The following GALC variants were observed in gnomAD, a reference collection of about 807,000 sequenced individuals.
The protein encoded by GALC is galactosylceramidase.
GALC carries 77 observed loss-of-function variants against 91.8 expected under a neutral mutation model. That is an observed-to-expected ratio of 0.84 (90% CI 0.70 to 1.01). The LOEUF (loss-of-function observed/expected upper bound fraction) is 1.01. GALC is among the 50% of genes least tolerant of loss of function. The pLI, the probability that GALC is intolerant of heterozygous loss-of-function variation, is 0.00. For missense variants in GALC, 882 were observed against 855.9 expected (o/e 1.03, Z -0.38); for synonymous variants, 357 against 306.7 (o/e 1.16, Z -1.71).
At chr14:87,977,207 A>T (rs1008345538) in intron 6 of GALC, among the ~76,000 whole-genome samples, 2 of 152,216 alleles carry the variant, frequency 1.3e-5, no homozygotes, top group African/African-American at 4.8e-5. Context: ...AGTATTTTCC[A>T]CGGTCTTCAA....
chr14:87,992,496 C>G, intron 1 of GALC: 1 of 1,531,980 alleles, frequency 6.5e-7, no homozygotes. Flanking sequence ...CTTAACGACT[C>G]CACCACCCAC....
chr14:87,949,879 T>A lies in GALC; in HGVS notation c.1304A>T (p.Glu435Val). 1 of 1,599,320 alleles carries A rather than the reference T, an allele frequency of 6.3e-7. No individual in the cohort carries two copies. The highest frequency in any genetic ancestry group is 8.6e-7 in the Non-Finnish European group (1 of 1,167,398). Residue 435 changes from glutamate (E) to valine (V), a missense_variant, in exon 12 of 17, where the codon GAA becomes GTA. By Grantham distance (121) the Glu-to-Val change is moderately radical. Transcript: ENST00000261304. ...VWYTKLGKTS[E>V]RFLFKQLDSL... ...ATCCAGCTGCTTAAAAAGAAATCTT[T>A]CGGATGTTTTTCCAAGTTTGGTATA...
intron 10 of GALC, among the ~76,000 whole-genome samples, chr14:87,951,974 C>T (rs1237074756): frequency 6.6e-6 from 1 of 151,598 alleles, no homozygotes; most frequent in African/African-American, 2.4e-5. Flanking sequence ...GTATACTGCT[C>T]GGGGATGGGT....
At chr14:87,954,953 T>C in intron 10 of GALC, 1 of 1,486,316 alleles carries the variant, frequency 6.7e-7, no homozygotes, top group South Asian at 1.1e-5. Context: ...TCAAAGCTGA[T>C]AGAGAAGATT....
At chr14:87,977,038 G>C (rs1206933009) in intron 6 of GALC, among the ~76,000 whole-genome samples, 2 of 145,382 alleles carry the variant, frequency 1.4e-5, no homozygotes, top group Admixed American at 6.8e-5. Context: ...AATATGGGGG[G>C]GGGGGGATGA....
At chr14:87,981,804 C>G (rs1009119349) in intron 6 of GALC, among the ~76,000 whole-genome samples, 1 of 151,772 alleles carries the variant, frequency 6.6e-6, no homozygotes, top group Non-Finnish European at 1.5e-5. Context: ...TAACACACTC[C>G]AATAGAAAAC....
rs1258268626 is a variant in GALC, at chr14:87,945,584, T to C, written c.1639A>G (p.Asn547Asp). The C allele has an allele frequency of 6.2e-7, 1 of 1,608,886 alleles. No homozygotes were observed. Among genetic ancestry groups the C allele is most frequent in the African/African-American group, 1.3e-5 (1 of 74,754 alleles). ...TAGTCTCCTATAATACTGATTGTGT[T>C]GGATGCATCGGCAGCCCATGTAATG... ...RPITWAADAS[N>D]TISIIGDYNW... is the part of the protein sequence containing the mutation. Residue 547 changes from asparagine to aspartate, a missense_variant, in exon 14 of 17, where the codon AAC becomes GAC. Coordinates refer to ENST00000261304, the MANE Select transcript of GALC (RefSeq NM_000153.4).
intron 16 of GALC, among the ~76,000 whole-genome samples, chr14:87,936,604 G>T (rs1320010628): frequency 6.6e-6 from 1 of 151,826 alleles, no homozygotes; most frequent in Non-Finnish European, 1.5e-5. Context: ...CAGGAATCTT[G>T]TCTGTTTCGT....
At position 87,993,005 on chromosome 14, in the gene GALC, C is replaced by T; in HGVS notation, c.160G>A (p.Glu54Lys). The part of the protein sequence containing the change: ...VLDDSDGLGR[E>K]FDGIGAVSGG... The stretch of plus-strand genomic sequence containing the variant: ...CTGACCGCGCCGATGCCGTCGAACT[C>T]CCGGCCCAGCCCGTCGGAGTCGTCG... Residue 54 changes from glutamate (E) to lysine (K), a missense_variant, in exon 1 of 17, where the codon GAG becomes AAG. Transcript: ENST00000261304. 6.5e-7 allele frequency: 1 copy of T among 1,538,538 alleles called. No individual in the cohort carries two copies. The highest frequency in any genetic ancestry group is 1.2e-5 in the South Asian group (1 of 83,682).
At position 87,986,514 on chromosome 14, in the gene GALC, C is replaced by A; in HGVS notation, c.417G>T (p.Lys139Asn). The change falls in exon 4 of 17, where the codon AAG becomes AAT. Residue 139 changes from lysine (K) to asparagine (N), a missense_variant. Physicochemically the swap from Lys to Asn is moderately conservative, Grantham distance 94. Coordinates refer to ENST00000261304, the MANE Select transcript of GALC (RefSeq NM_000153.4). The part of the protein sequence containing the change: ...YEWWLMKEAK[K>N]RNPNITLIGL... ...CAATGAGTGTAATATTGGGATTCCT[C>A]TTCTTAGCTTCTTTCATCAACCACC... The A allele has an allele frequency of 6.2e-7, 1 of 1,609,150 alleles. No homozygotes were observed.
chr14:87,989,169 G>C (rs115581814), intron 1 of GALC, among the ~76,000 whole-genome samples: 2 of 152,136 alleles, frequency 1.3e-5, no homozygotes, highest in African/African-American at 4.8e-5. Context: ...TCCTTTGGGA[G>C]GCAATATAAG....
At chr14:87,946,758 A>C (rs528123690) in intron 13 of GALC, among the ~76,000 whole-genome samples, 1 of 152,066 alleles carries the variant, frequency 6.6e-6, no homozygotes, top group African/African-American at 2.4e-5. Context: ...TAATGGGTTT[A>C]TCTAAGAGGC....
At chr14:87,983,407 G>A (rs1411735748) in intron 5 of GALC, among the ~76,000 whole-genome samples, 1 of 152,130 alleles carries the variant, frequency 6.6e-6, no homozygotes, top group Non-Finnish European at 1.5e-5. Context: ...TCTTTCTTCT[G>A]ACTTCCTCCA....
Position 87,949,741 on chromosome 14 carries a change from C to T in GALC, c.1338+104G>A. On this transcript the variant is annotated intron_variant, in intron 12 of 16. Coordinates refer to ENST00000261304, the MANE Select transcript of GALC (RefSeq NM_000153.4). ...TAAGAGCTAAACACATCTATAAACA[C>T]ACAAACTTATAAAAATAAAAATTCT... 3 of 676,604 alleles carry T rather than the reference C, an allele frequency of 4.4e-6. No individual in the cohort carries two copies. In the South Asian group the frequency reaches 5.0e-5, roughly 11 times the overall value. The allele number at this position is 676,604 out of a possible 1,614,324, so 41.9% of individuals were successfully genotyped here. A position where few individuals can be genotyped will look rare whatever the true frequency, so the allele number is the denominator to read the frequency against.
Position 87,941,535 on chromosome 14 carries a change from T to C in GALC, c.1694A>G (p.Asp565Gly), listed in dbSNP as rs1340293257. The change falls in exon 15 of 17, where the codon GAT (aspartate) becomes GGT (glycine). Residue 565 changes from aspartate to glycine, a missense_variant. Coordinates refer to ENST00000261304, the MANE Select transcript of GALC (RefSeq NM_000153.4). Reference protein sequence around the residue: ...YNWTNLTIKCDVYIETPDTGG... With the variant: ...YNWTNLTIKCGVYIETPDTGG... The stretch of plus-strand genomic sequence containing the variant: ...TGTGTCAGGGGTCTCTATGTATACA[T>C]CACACTTTATAGTCAGATTGGTCCT... 1 of 1,583,400 alleles carries C rather than the reference T, an allele frequency of 6.3e-7. No individual in the cohort carries two copies. Among genetic ancestry groups the C allele is most frequent in the Non-Finnish European group, 8.7e-7 (1 of 1,152,484 alleles).
intron 7 of GALC, among the ~76,000 whole-genome samples, chr14:87,972,337 G>A (rs1026787427): frequency 6.6e-6 from 1 of 152,128 alleles, no homozygotes; most frequent in African/African-American, 2.4e-5. Context: ...TTAGTCCATG[G>A]TGTCAGAGGT....
At chr14:87,977,960 T>C (rs74442856) in intron 6 of GALC, among the ~76,000 whole-genome samples, 17,190 of 152,184 alleles carry the variant, frequency 0.11, 1,142 homozygotes, top group Non-Finnish European at 0.16. Flanking sequence ...ACAGATCCTT[T>C]GTAGCAAACC....
chr14:87,972,542 A>ATATG (rs2140009087), intron 7 of GALC, among the ~76,000 whole-genome samples: 1 of 152,280 alleles, frequency 6.6e-6, no homozygotes, highest in Admixed American at 6.5e-5. Flanking sequence ...GTACTTTTAT[A>ATATG]TATGTATGTA....
chr14:87,992,016 C>G (rs1188587370), intron 1 of GALC, among the ~76,000 whole-genome samples: 2 of 152,160 alleles, frequency 1.3e-5, no homozygotes, highest in African/African-American at 4.8e-5. Context: ...TACACATCAG[C>G]ACGGCTGGAG....
Sources: allele counts gnomAD v4.1 joint callset (sites outside exome capture counted in the v4.1 genomes callset), GRCh38; gene constraint gnomAD v4.1.1; transcripts MANE v1.5; gene names NCBI Gene and HGNC (gene_info 2026-07-23, HGNC 2026-07-21).